The following PARD3 variants were observed in gnomAD, a reference collection of about 807,000 sequenced individuals.
PARD3 encodes the protein partitioning defective 3 homolog.
PARD3 carries 75 observed loss-of-function variants against 155.4 expected under a neutral mutation model. That is an observed-to-expected ratio of 0.48 (90% confidence interval 0.40 to 0.58). PARD3 has a LOEUF of 0.58. Ranked by LOEUF, PARD3 falls within the 20% of genes least tolerant of loss-of-function variation. The pLI, the probability that PARD3 is intolerant of heterozygous loss-of-function variation, is 0.00. For synonymous variants in PARD3, 576 were observed against 610.5 expected (o/e 0.94, Z 0.83); for missense variants, 1,642 against 1,721.7 (o/e 0.95, Z 0.82).
intron 19 of PARD3, among the ~76,000 whole-genome samples, chr10:34,321,139 T>C (rs1958350234): frequency 6.6e-6 from 1 of 152,220 alleles, no homozygotes; most frequent in Non-Finnish European, 1.5e-5. Flanking sequence ...GATGTACTAG[T>C]CAGATTTTAG....
At chr10:34,115,964 G>A (rs931157528) in intron 24 of PARD3, among the ~76,000 whole-genome samples, 7 of 152,060 alleles carry the variant, frequency 4.6e-5, no homozygotes, top group South Asian at 2.1e-4. Context: ...CGCCTGCCTC[G>A]GCATCCCAAA....
chr10:34,493,824 C>T (rs773985), intron 3 of PARD3, among the ~76,000 whole-genome samples: 78,346 of 151,978 alleles, frequency 0.52, 23,777 homozygotes, highest in African/African-American at 0.86. Context: ...AAAATCTTCA[C>T]GTTCGAATTA....
chr10:34,707,424 G>A (rs780960114), intron 1 of PARD3, among the ~76,000 whole-genome samples: 5 of 151,942 alleles, frequency 3.3e-5, no homozygotes, highest in African/African-American at 9.7e-5. Context: ...AATCCCAAGC[G>A]GGATACACCA....
chr10:34,231,445 C>T (rs1952927151), intron 22 of PARD3, among the ~76,000 whole-genome samples: 1 of 151,886 alleles, frequency 6.6e-6, no homozygotes, highest in Non-Finnish European at 1.5e-5. Flanking sequence ...TTCCAAACCT[C>T]GACATTCAAA....
At chr10:34,503,680 C>T (rs894404893) in intron 3 of PARD3, among the ~76,000 whole-genome samples, 1 of 152,214 alleles carries the variant, frequency 6.6e-6, no homozygotes, top group Non-Finnish European at 1.5e-5. Context: ...ATTACATATT[C>T]ATCCTTTCCT....
chr10:34,636,640 T>C (rs2092487432), intron 2 of PARD3, among the ~76,000 whole-genome samples: 1 of 152,198 alleles, frequency 6.6e-6, no homozygotes, highest in Non-Finnish European at 1.5e-5. Flanking sequence ...TCAAGCCTAA[T>C]GTTGTCACCC....
At chr10:34,270,129 A>G (rs983903715) in intron 21 of PARD3, among the ~76,000 whole-genome samples, 4 of 146,864 alleles carry the variant, frequency 2.7e-5, no homozygotes, top group Admixed American at 1.4e-4. Flanking sequence ...GATTGCAGTC[A>G]TAATTTAAAT....
At chr10:34,261,761 G>GAAGA (rs1306542554) in intron 22 of PARD3, among the ~76,000 whole-genome samples, 1 of 40,308 alleles carries the variant, frequency 2.5e-5, no homozygotes, top group Non-Finnish European at 7.0e-5. Context: ...AGGAAGAAAG[G>GAAGA]AAGGAAGGAA....
At chr10:34,572,335 T>G (rs1468888688) in intron 2 of PARD3, among the ~76,000 whole-genome samples, 1 of 151,988 alleles carries the variant, frequency 6.6e-6, no homozygotes, top group East Asian at 1.9e-4. Context: ...AGTGAGACCC[T>G]GTCTCATTAA....
intron 1 of PARD3, among the ~76,000 whole-genome samples, chr10:34,772,300 C>A (rs986965907): frequency 6.6e-6 from 1 of 151,658 alleles, no homozygotes; most frequent in Non-Finnish European, 1.5e-5. Context: ...GTAATCCCAG[C>A]TACTTCAGCC....
chr10:34,143,847 T>C (rs1259690679), intron 22 of PARD3, among the ~76,000 whole-genome samples: 1 of 152,232 alleles, frequency 6.6e-6, no homozygotes, highest in Non-Finnish European at 1.5e-5. Context: ...TTTGTATTAC[T>C]GTTTTTAAAA....
intron 22 of PARD3, among the ~76,000 whole-genome samples, chr10:34,205,539 G>A (rs626385): frequency 0.27 from 41,485 of 151,986 alleles, 6,884 homozygotes; most frequent in Non-Finnish European, 0.36. Flanking sequence ...GTATGAGTGC[G>A]GTAAGGTGTC....
chr10:34,741,628 G>A (rs1383871248), intron 1 of PARD3, among the ~76,000 whole-genome samples: 1 of 152,206 alleles, frequency 6.6e-6, no homozygotes, highest in African/African-American at 2.4e-5. Context: ...ATGGACCACA[G>A]AACAAAGAGA....
chr10:34,430,844 G>A (rs562772278), intron 5 of PARD3, among the ~76,000 whole-genome samples: 1 of 152,288 alleles, frequency 6.6e-6, no homozygotes, highest in South Asian at 2.1e-4. Flanking sequence ...GTCAAATCTA[G>A]GCCATCTGAT....
At chr10:34,253,590 C>T (rs1448531254) in intron 22 of PARD3, among the ~76,000 whole-genome samples, 2 of 152,142 alleles carry the variant, frequency 1.3e-5, no homozygotes, top group African/African-American at 2.4e-5. Flanking sequence ...TCCCGCAGGT[C>T]TTAAGGCCTC....
chr10:34,800,801 G>GC, intron 1 of PARD3, among the ~76,000 whole-genome samples: 1 of 151,054 alleles, frequency 6.6e-6, no homozygotes, highest in East Asian at 1.9e-4. Flanking sequence ...GATAAATAAT[G>GC]CCCCTGATAA....
chr10:34,594,318 T>TTAAA (rs1239176187), intron 2 of PARD3, among the ~76,000 whole-genome samples: 2 of 152,172 alleles, frequency 1.3e-5, no homozygotes, highest in African/African-American at 2.4e-5. Context: ...GACTATTACT[T>TTAAA]TTAAACTCAT....
At chr10:34,443,608 C>A (rs938684557) in intron 5 of PARD3, among the ~76,000 whole-genome samples, 5 of 152,076 alleles carry the variant, frequency 3.3e-5, no homozygotes, top group African/African-American at 1.2e-4. Context: ...GTTCATGAGA[C>A]TTACTATCAT....
chr10:34,316,418 G>C (rs890708995), intron 20 of PARD3, among the ~76,000 whole-genome samples: 5 of 152,114 alleles, frequency 3.3e-5, no homozygotes, highest in African/African-American at 7.2e-5. Context: ...TATAATTTAT[G>C]GGCACAAAAA....
Sources: allele counts gnomAD v4.1 joint callset (sites outside exome capture counted in the v4.1 genomes callset), GRCh38; gene constraint gnomAD v4.1.1; transcripts MANE v1.5; gene names NCBI Gene and HGNC (gene_info 2026-07-23, HGNC 2026-07-21).